The following EMCN variants were observed in gnomAD, a reference collection of about 807,000 sequenced individuals.
The protein encoded by EMCN is endomucin.
In EMCN, 37 loss-of-function variants were observed where a neutral mutation model predicts 38.4. That is an observed-to-expected ratio of 0.96 (90% CI 0.74 to 1.27). The LOEUF is 1.27. Among genes scored for constraint, EMCN ranks in the 50% most tolerant of loss-of-function variants. The pLI, the probability that EMCN is intolerant of heterozygous loss-of-function variation, is 0.00. For synonymous variants in EMCN, 95 were observed against 100.8 expected, an observed-to-expected ratio of 0.94 and a Z score of 0.35; for missense variants, 318 against 302.8, an observed-to-expected ratio of 1.05 and a Z score of -0.37.
intron 11 of EMCN, among the ~76,000 whole-genome samples, 200 bp downstream of exon 11, chr4:100,410,082 A>G (rs887309539): frequency 3.3e-5 from 5 of 152,222 alleles, no homozygotes; most frequent in Non-Finnish European, 7.3e-5. Context: ...AATTGGACAA[A>G]TCGTCTACAA....
chr4:100,442,564 T>G (rs1200959116), intron 5 of EMCN, among the ~76,000 whole-genome samples: 3 of 152,120 alleles, frequency 2.0e-5, no homozygotes, highest in Non-Finnish European at 4.4e-5. Flanking sequence ...GTCTTCACTA[T>G]TTTTTATTCT....
At chr4:100,425,391 C>T (rs1210963442) in intron 5 of EMCN, among the ~76,000 whole-genome samples, 1 of 151,944 alleles carries the variant, frequency 6.6e-6, no homozygotes, top group Non-Finnish European at 1.5e-5. Flanking sequence ...CTGTATTATC[C>T]TACATTACTA....
rs3775360 is a variant in EMCN, at chr4:100,478,834, C to T, written c.187+1083G>A. Among the ~76,000 whole-genome samples the T allele has an allele frequency of 1.2e-4, 18 of 152,104 alleles. No individual in the cohort carries two copies. The East Asian group carries it at 3.1e-3, about 26-fold the overall frequency. Reference sequence around the variant, plus strand: ...TTTATATTAAATGGGTAATATAAATCAGTGAAAGTGTCCCAAAAAAGGAGT... The same window carrying T: ...TTTATATTAAATGGGTAATATAAATTAGTGAAAGTGTCCCAAAAAAGGAGT... On this transcript the variant is annotated intron_variant, in intron 2 of 11. Transcript: ENST00000296420.
At chr4:100,459,698 G>A (rs374011702) in intron 4 of EMCN, among the ~76,000 whole-genome samples, 3 of 152,190 alleles carry the variant, frequency 2.0e-5, no homozygotes, top group Middle Eastern at 3.4e-3. Flanking sequence ...TGTGCCAGAC[G>A]TATTTCAGTT....
intron 1 of EMCN, chr4:100,483,491 A>G (rs1247945200): frequency 6.6e-6 from 1 of 151,976 alleles, no homozygotes; most frequent in Non-Finnish European, 1.5e-5. Flanking sequence ...ATAGTTCACT[A>G]TTTTTTTCTT....
intron 4 of EMCN, among the ~76,000 whole-genome samples, chr4:100,448,795 T>TCTTCCTTCCTTCCTTCCTTC (rs1553929060): frequency 1.7e-5 from 2 of 114,320 alleles, no homozygotes; most frequent in African/African-American, 6.6e-5. Context: ...TGCCTTGAAG[T>TCTTCCTTCCTTCCTTCCTTC]CTTCCTTCCT....
chr4:100,462,470 G>A (rs1385346680), intron 4 of EMCN, among the ~76,000 whole-genome samples: 3 of 152,158 alleles, frequency 2.0e-5, no homozygotes, highest in Admixed American at 2.0e-4. Context: ...GTCCGTGAAT[G>A]ACATTTTCTT....
intron 3 of EMCN, among the ~76,000 whole-genome samples, chr4:100,473,501 T>C (rs1353151444): frequency 2.0e-5 from 3 of 150,802 alleles, no homozygotes; most frequent in Non-Finnish European, 4.4e-5. Context: ...AAATGGGTCG[T>C]AAAAGAAGCG....
chr4:100,425,863 A>C (rs1405339580), intron 5 of EMCN, among the ~76,000 whole-genome samples: 1 of 152,124 alleles, frequency 6.6e-6, no homozygotes, highest in Non-Finnish European at 1.5e-5. Context: ...AAACTGGAGT[A>C]GAATATGGTA....
At chr4:100,447,621 T>C (rs532185000) in intron 4 of EMCN, 50 bp from the exon 5 acceptor site, 15 of 1,157,002 alleles carry the variant, frequency 1.3e-5, no homozygotes, top group Admixed American at 3.8e-5. Context: ...ATGTTGAATA[T>C]CAGATCTATT....
At chr4:100,401,967 T>C (rs990647721) in intron 11 of EMCN, among the ~76,000 whole-genome samples, 1 of 152,180 alleles carries the variant, frequency 6.6e-6, no homozygotes, top group Non-Finnish European at 1.5e-5. Context: ...AAAGTTGTTA[T>C]TTTTCCCTTT....
At chr4:100,458,648 C>A (rs762871388) in intron 4 of EMCN, among the ~76,000 whole-genome samples, 9 of 151,972 alleles carry the variant, frequency 5.9e-5, no homozygotes, top group Non-Finnish European at 1.3e-4. Flanking sequence ...GAAGGGGGAC[C>A]TAAAGTCAGA....
intron 5 of EMCN, among the ~76,000 whole-genome samples, chr4:100,425,542 A>G (rs1014761304): frequency 3.3e-5 from 5 of 152,076 alleles, no homozygotes; most frequent in African/African-American, 2.4e-5. Context: ...CTTAACCTCT[A>G]TGTGCCTGAG....
intron 1 of EMCN, among the ~76,000 whole-genome samples, chr4:100,481,953 T>G (rs896971907): frequency 2.6e-5 from 4 of 151,706 alleles, no homozygotes; most frequent in African/African-American, 9.7e-5. Flanking sequence ...TCCCTTCCTT[T>G]CCTTCTCTCG....
chr4:100,410,160 T>C, intron 11 of EMCN, 122 bp downstream of exon 11: 1 of 719,726 alleles, frequency 1.4e-6, no homozygotes, highest in South Asian at 1.8e-5. Context: ...ACAATGATCA[T>C]TGCATTGACA....
intron 4 of EMCN, among the ~76,000 whole-genome samples, chr4:100,454,136 CA>C (rs1727932838): frequency 6.7e-6 from 1 of 149,012 alleles, no homozygotes; most frequent in South Asian, 2.1e-4. Context: ...AAGAAACCTG[CA>C]AGTTGTGCAC....
At chr4:100,431,695 A>G (rs973330126) in intron 5 of EMCN, among the ~76,000 whole-genome samples, 2 of 151,422 alleles carry the variant, frequency 1.3e-5, no homozygotes, top group African/African-American at 4.9e-5. Flanking sequence ...AGCCTCTATT[A>G]TCACATGAGC....
intron 11 of EMCN, among the ~76,000 whole-genome samples, chr4:100,402,108 G>A (rs1216299915): frequency 2.0e-5 from 3 of 151,944 alleles, no homozygotes; most frequent in South Asian, 4.1e-4. Context: ...CATTTAAGCT[G>A]CTTCTACGTA....
At position 100,465,504 on chromosome 4, in the gene EMCN, C is replaced by T. The variant is rs1219747358; in HGVS notation, c.295G>A (p.Asp99Asn). 2 of 1,608,140 alleles carry T rather than the reference C, an allele frequency of 1.2e-6. No individual in the cohort carries two copies. Among genetic ancestry groups the T allele is most frequent in the African/African-American group, 2.7e-5 (2 of 74,764 alleles). The change falls in exon 4 of 12, where the codon GAC becomes AAC. Residue 99 changes from aspartate (D) to asparagine (N), a missense_variant. Physicochemically the swap from Asp to Asn is conservative, Grantham distance 23. Transcript: ENST00000296420. ...KATTTDVRKNDSIISNVTVTS... is the reference protein window; with the variant it reads ...KATTTDVRKNNSIISNVTVTS... ...ACTGTTACGTTTGAAATGATGGAGT[C>T]ATTCTTCCTGACATCAGTGGTTGTG...
Sources: gnomAD v4.1 joint callset for allele counts (sites outside exome capture counted in the v4.1 genomes callset) on GRCh38, gnomAD v4.1.1 for gene constraint, MANE v1.5 for transcripts, NCBI Gene and HGNC (gene_info 2026-07-23, HGNC 2026-07-21) for gene names.